TNPO3: variants seen among roughly 807,000 people sequenced by gnomAD.
TNPO3 encodes the protein transportin 3.
TNPO3 carries 65 observed loss-of-function variants against 122.8 expected under a neutral mutation model. The ratio of observed to expected loss-of-function variants is 0.53; its 90% confidence interval spans 0.43 to 0.65. The LOEUF (loss-of-function observed/expected upper bound fraction) is 0.65. TNPO3 is among the 30% of genes least tolerant of loss of function. The probability of loss-of-function intolerance (pLI) is 0.00; values close to 1 mark genes in which losing one functional copy is unlikely to be tolerated. For missense variants in TNPO3, 850 were observed against 1,136.7 expected (o/e 0.75, Z 3.63); for synonymous variants, 372 against 411.2 (o/e 0.90, Z 1.15).
At position 128,970,294 on chromosome 7, in the gene TNPO3, G is replaced by A. The variant is rs570772653; in HGVS notation, c.2452C>T (p.Arg818Trp). 1.1e-5 allele frequency: 17 copies of A among 1,601,766 alleles called. No individual in the cohort carries two copies. Among genetic ancestry groups the A allele is most frequent in the South Asian group, 3.3e-5 (3 of 89,580 alleles). ...ATCACCTGTCCAATCAGTTCTTTCCGTAATTCAAAGTCTTCTTCATGCTGT... is the reference window on the plus strand; with the variant it reads ...ATCACCTGTCCAATCAGTTCTTTCCATAATTCAAAGTCTTCTTCATGCTGT... ...ANDHEEDFEL[R>W]KELIGQVMNQ... The change falls in exon 20 of 23, where the codon CGG becomes TGG. Residue 818 changes from arginine to tryptophan, a missense_variant. Transcript: ENST00000265388.
At chr7:129,009,235 A>G (rs1337989301) in intron 4 of TNPO3, among the ~76,000 whole-genome samples, 1 of 152,230 alleles carries the variant, frequency 6.6e-6, no homozygotes, top group Admixed American at 6.5e-5. Flanking sequence ...AGCAAGCAGA[A>G]ACACGTTTAA....
intron 1 of TNPO3, among the ~76,000 whole-genome samples, chr7:129,050,381 C>CAAA (rs35638855): frequency 1.4e-4 from 5 of 35,918 alleles, no homozygotes; most frequent in Admixed American, 2.5e-4. Flanking sequence ...GACTCTGTCT[C>CAAA]AAAAAAAAAA....
At chr7:128,961,777 T>A (rs1232018341) in intron 21 of TNPO3, among the ~76,000 whole-genome samples, 1 of 152,106 alleles carries the variant, frequency 6.6e-6, no homozygotes, top group Admixed American at 6.6e-5. Flanking sequence ...GATGACCTGG[T>A]AGGTAACAGA....
At chr7:128,966,303 T>G (rs1056833674) in intron 21 of TNPO3, among the ~76,000 whole-genome samples, 2 of 152,212 alleles carry the variant, frequency 1.3e-5, no homozygotes, top group Non-Finnish European at 2.9e-5. Context: ...TTTCCAGTTT[T>G]TTCACTACTA....
intron 7 of TNPO3, 31 bp from the exon 8 acceptor site, chr7:128,997,566 A>G: frequency 6.3e-7 from 1 of 1,580,798 alleles, no homozygotes; most frequent in East Asian, 2.2e-5. Context: ...ATTTATTTGA[A>G]TGGGAAAGGA....
At chr7:129,014,198 C>T (rs1179841464) in intron 4 of TNPO3, among the ~76,000 whole-genome samples, 1 of 152,164 alleles carries the variant, frequency 6.6e-6, no homozygotes, top group East Asian at 1.9e-4. Context: ...CTGATTTGAT[C>T]TGATCATCAC....
chr7:128,973,474 G>A (rs1260620857), intron 18 of TNPO3, among the ~76,000 whole-genome samples: 1 of 151,506 alleles, frequency 6.6e-6, no homozygotes, highest in Non-Finnish European at 1.5e-5. Flanking sequence ...TGGTGGCTCA[G>A]GCCTGTAATC....
intron 17 of TNPO3, 141 bp downstream of exon 17, chr7:128,975,678 C>T (rs1798978581): frequency 3.3e-6 from 2 of 613,924 alleles, no homozygotes; most frequent in East Asian, 2.7e-5. Context: ...GGGAAGCTTC[C>T]ACCTCCCTGT....
intron 13 of TNPO3, among the ~76,000 whole-genome samples, chr7:128,982,597 T>A (rs1799740238): frequency 6.6e-6 from 1 of 152,122 alleles, no homozygotes; most frequent in Non-Finnish European, 1.5e-5. Flanking sequence ...ATCATTTGAT[T>A]TTTTTCCCAT....
intron 1 of TNPO3, among the ~76,000 whole-genome samples, chr7:129,026,713 T>G (rs1222150499): frequency 1.3e-5 from 2 of 149,990 alleles, no homozygotes; most frequent in Admixed American, 1.3e-4. Flanking sequence ...TGTTTGAATA[T>G]TTTTAAAGTG....
At chr7:129,021,164 G>T (rs951690547) in intron 1 of TNPO3, among the ~76,000 whole-genome samples, 1 of 151,868 alleles carries the variant, frequency 6.6e-6, no homozygotes, top group Non-Finnish European at 1.5e-5. Context: ...AAGACCAGTC[G>T]GGCCAATATG....
chr7:129,008,729 ACTC>A (rs1179888821), intron 4 of TNPO3, among the ~76,000 whole-genome samples: 3 of 152,130 alleles, frequency 2.0e-5, no homozygotes, highest in African/African-American at 7.2e-5. Context: ...AAGAGCTGAT[ACTC>A]ATTCTCTCTC....
chr7:129,012,425 A>T (rs977752037), intron 4 of TNPO3, among the ~76,000 whole-genome samples: 1 of 152,208 alleles, frequency 6.6e-6, no homozygotes, highest in Non-Finnish European at 1.5e-5. Flanking sequence ...ATAATTTACT[A>T]CAGGTTAAGT....
At chr7:128,979,157 A>T in intron 15 of TNPO3, 34 bp from the exon 16 acceptor site, 1 of 1,611,164 alleles carries the variant, frequency 6.2e-7, no homozygotes, top group Non-Finnish European at 8.5e-7. Flanking sequence ...AAGAAAGAAA[A>T]TAATCAACAA....
chr7:128,960,913 C>T (rs1797384873), intron 21 of TNPO3, among the ~76,000 whole-genome samples: 2 of 152,068 alleles, frequency 1.3e-5, no homozygotes, highest in African/African-American at 2.4e-5. Context: ...GTGCCCACCA[C>T]CACGCCTGGC....
intron 7 of TNPO3, among the ~76,000 whole-genome samples, chr7:128,999,444 T>C (rs763123865): frequency 3.9e-5 from 6 of 152,170 alleles, no homozygotes; most frequent in Non-Finnish European, 8.8e-5. Flanking sequence ...CGTAACATTA[T>C]GTAAAACAAA....
chr7:128,961,029 G>A (rs901431461), intron 21 of TNPO3, among the ~76,000 whole-genome samples: 2 of 152,104 alleles, frequency 1.3e-5, no homozygotes, highest in Admixed American at 1.3e-4. Flanking sequence ...CCAAAGTGCT[G>A]GGATTACAGG....
At chr7:129,017,792 A>G (rs139202548) in intron 2 of TNPO3, among the ~76,000 whole-genome samples, 165 bp downstream of exon 2, 358 of 152,352 alleles carry the variant, frequency 2.3e-3, no homozygotes, top group African/African-American at 8.1e-3. Context: ...TCCAAGATTA[A>G]TACAAAAGAT....
chr7:129,041,376 A>C lies in TNPO3; in HGVS notation c.120+13275T>G, dbSNP rs572959334. 4.6e-5 allele frequency among the ~76,000 whole-genome samples: 7 copies of C among 152,304 alleles called. No individual in the cohort carries two copies. In the East Asian group the frequency reaches 7.7e-4, roughly 17 times the overall value. The stretch of plus-strand genomic sequence containing the variant: ...GATGCTGTCTCAAAAAAGAAAACAA[A>C]ATGAAATCTTGTTTTGGCTACTGAG... On this transcript the variant is annotated intron_variant, in intron 1 of 22. Transcript: ENST00000265388.
Sources: gnomAD v4.1 joint callset for allele counts (sites outside exome capture counted in the v4.1 genomes callset) on GRCh38, gnomAD v4.1.1 for gene constraint, MANE v1.5 for transcripts, NCBI Gene and HGNC (gene_info 2026-07-23, HGNC 2026-07-21) for gene names.